Variants in KIAA1671 observed in about 807,000 individuals in gnomAD.
KIAA1671 encodes uncharacterized protein KIAA1671.
Under a neutral mutation model 131.2 loss-of-function variants are expected in KIAA1671, and 52 were observed. The ratio of observed to expected loss-of-function variants is 0.40; its 90% confidence interval spans 0.32 to 0.50. The LOEUF is 0.50. KIAA1671 is among the 20% of genes least tolerant of loss of function. The pLI is 0.73. For missense variants in KIAA1671, 2,360 were observed against 2,364.2 expected, an observed-to-expected ratio of 1.00 and a Z score of 0.04; for synonymous variants, 1,003 against 961.6, an observed-to-expected ratio of 1.04 and a Z score of -0.80.
intron 1 of KIAA1671, among the ~76,000 whole-genome samples, chr22:24,992,495 T>G (rs1319066677): frequency 2.0e-5 from 3 of 152,096 alleles, no homozygotes; most frequent in Non-Finnish European, 4.4e-5. Context: ...TGGCACATAG[T>G]AGGAGACTGG....
At chr22:24,969,233 T>C (rs1922472126) in intron 1 of KIAA1671, among the ~76,000 whole-genome samples, 1 of 152,194 alleles carries the variant, frequency 6.6e-6, no homozygotes, top group South Asian at 2.1e-4. Context: ...CAAAATGTAG[T>C]TGTCCCTTGG....
intron 1 of KIAA1671, among the ~76,000 whole-genome samples, chr22:24,976,519 G>A (rs568034005): frequency 5.3e-5 from 8 of 152,228 alleles, no homozygotes; most frequent in Admixed American, 2.0e-4. Flanking sequence ...GTTGGGGTGC[G>A]GAAGCCCAGG....
At chr22:25,009,411 C>T (rs1297167037) in intron 1 of KIAA1671, among the ~76,000 whole-genome samples, 1 of 150,422 alleles carries the variant, frequency 6.6e-6, no homozygotes, top group Admixed American at 6.6e-5. Context: ...ATTACAGGTG[C>T]CTGTCACCAC....
chr22:25,037,238 G>T (rs961796454), intron 4 of KIAA1671, among the ~76,000 whole-genome samples: 1 of 151,486 alleles, frequency 6.6e-6, no homozygotes, highest in Non-Finnish European at 1.5e-5. Context: ...CAGAAAAATC[G>T]CTTGAATCCG....
At chr22:25,114,503 G>T (rs1288447297) in intron 6 of KIAA1671, among the ~76,000 whole-genome samples, 1 of 152,228 alleles carries the variant, frequency 6.6e-6, no homozygotes, top group Non-Finnish European at 1.5e-5. Context: ...GCAAGGCCAG[G>T]GACCCCCTGC....
intron 6 of KIAA1671, among the ~76,000 whole-genome samples, chr22:25,158,350 A>G (rs569423086): frequency 6.6e-6 from 1 of 152,200 alleles, no homozygotes; most frequent in South Asian, 2.1e-4. Flanking sequence ...TGAACTTGTC[A>G]CTGGCATTTG....
chr22:25,108,007 C>CA (rs571520657), intron 6 of KIAA1671, among the ~76,000 whole-genome samples: 11 of 150,092 alleles, frequency 7.3e-5, no homozygotes, highest in African/African-American at 2.7e-4. Context: ...GACTTTGTCT[C>CA]AAAAAAAAAT....
At chr22:25,031,167 C>T (rs540436653) in intron 3 of KIAA1671, among the ~76,000 whole-genome samples, 1 of 151,106 alleles carries the variant, frequency 6.6e-6, no homozygotes, top group Non-Finnish European at 1.5e-5. Flanking sequence ...GCTGGGATTA[C>T]AGGCACGCGC....
At chr22:25,141,184 C>A (rs2086350130) in intron 6 of KIAA1671, among the ~76,000 whole-genome samples, 2 of 152,124 alleles carry the variant, frequency 1.3e-5, no homozygotes, top group South Asian at 4.1e-4. Context: ...AATTCACCCA[C>A]ATTTTAACAG....
chr22:24,961,632 G>T (rs1341521286), intron 1 of KIAA1671, among the ~76,000 whole-genome samples: 1 of 152,228 alleles, frequency 6.6e-6, no homozygotes, highest in Non-Finnish European at 1.5e-5. Context: ...TTCTGTGGTG[G>T]ACAACAGAAG....
chr22:24,983,533 T>C (rs1323901516), intron 1 of KIAA1671, among the ~76,000 whole-genome samples: 1 of 151,952 alleles, frequency 6.6e-6, no homozygotes, highest in Non-Finnish European at 1.5e-5. Context: ...GACCTGAATT[T>C]TGGGGAGACA....
At chr22:25,046,331 A>G (rs1005510863) in intron 5 of KIAA1671, among the ~76,000 whole-genome samples, 1 of 129,182 alleles carries the variant, frequency 7.7e-6, no homozygotes, top group Non-Finnish European at 1.7e-5. Flanking sequence ...AGAAAAAGAA[A>G]CAAGGTTGGT....
intron 6 of KIAA1671, among the ~76,000 whole-genome samples, chr22:25,093,734 C>CTTTCTCTCTCTCTCTCTG (rs1568950964): frequency 8.9e-6 from 1 of 112,106 alleles, no homozygotes; most frequent in African/African-American, 4.6e-5. Flanking sequence ...CACACACACA[C>CTTTCTCTCTCTCTCTCTG]ACACTCTCTC....
At chr22:24,989,128 G>C (rs1045203293) in intron 1 of KIAA1671, among the ~76,000 whole-genome samples, 11 of 152,160 alleles carry the variant, frequency 7.2e-5, no homozygotes, top group African/African-American at 2.4e-4. Flanking sequence ...CATGTCGAGG[G>C]TGAGTAGGAA....
chr22:25,124,100 T>G (rs934985051), intron 6 of KIAA1671, among the ~76,000 whole-genome samples: 10 of 152,300 alleles, frequency 6.6e-5, no homozygotes, highest in African/African-American at 2.4e-4. Context: ...GGGGTCAGGC[T>G]CCCAGGGGCT....
At position 25,127,617 on chromosome 22, in the gene KIAA1671, T is replaced by G. The variant is rs564044508; in HGVS notation, c.4531-43203T>G. 1.2e-3 allele frequency among the ~76,000 whole-genome samples: 179 copies of G among 152,244 alleles called. 3 individuals are homozygous for G. In the South Asian group the frequency reaches 0.031, roughly 26 times the overall value. ...ACTTGATGATCAAAGCATATTTGTGTGTCATTAACAGCCACGGCTAATTAG... is the reference window on the plus strand; with the variant it reads ...ACTTGATGATCAAAGCATATTTGTGGGTCATTAACAGCCACGGCTAATTAG... On this transcript the variant is annotated intron_variant, in intron 6 of 12. Transcript: ENST00000358431.
At chr22:25,118,317 T>G (rs989822500) in intron 6 of KIAA1671, among the ~76,000 whole-genome samples, 1 of 151,974 alleles carries the variant, frequency 6.6e-6, no homozygotes, top group African/African-American at 2.4e-5. Context: ...CTCTGTCATC[T>G]CCTTTCCTGT....
intron 6 of KIAA1671, chr22:25,051,585 C>G (rs1417963108): frequency 6.6e-6 from 1 of 152,356 alleles, no homozygotes; most frequent in Non-Finnish European, 1.5e-5. Context: ...ACTTTCCCTT[C>G]CCTTTCTCAT....
intron 6 of KIAA1671, among the ~76,000 whole-genome samples, chr22:25,152,457 CAG>C (rs1490344743): frequency 2.0e-5 from 3 of 152,186 alleles, no homozygotes; most frequent in African/African-American, 7.2e-5. Flanking sequence ...TGCAGGCACA[CAG>C]ACACATGCAT....
Sources: gnomAD v4.1 joint callset for allele counts (sites outside exome capture counted in the v4.1 genomes callset) on GRCh38, gnomAD v4.1.1 for gene constraint, MANE v1.5 for transcripts, NCBI Gene and HGNC (gene_info 2026-07-23, HGNC 2026-07-21) for gene names.